Variants in KIAA1217 observed in about 807,000 individuals in gnomAD.
The protein encoded by KIAA1217 is sickle tail protein homolog.
In KIAA1217, 88 loss-of-function variants were observed where a neutral mutation model predicts 163.9. That is an observed-to-expected ratio of 0.54 (90% CI 0.45 to 0.64). KIAA1217 has a LOEUF of 0.64. Ranked by LOEUF, KIAA1217 falls within the 30% of genes least tolerant of loss-of-function variation. KIAA1217 has a pLI of 0.00. For synonymous variants in KIAA1217, 903 were observed against 923.1 expected, an observed-to-expected ratio of 0.98 and a Z score of 0.39; for missense variants, 2,372 against 2,475.0, an observed-to-expected ratio of 0.96 and a Z score of 0.88.
chr10:23,921,087 C>A (rs999319156), intron 1 of KIAA1217, among the ~76,000 whole-genome samples: 3 of 152,244 alleles, frequency 2.0e-5, no homozygotes, highest in East Asian at 3.9e-4. Context: ...TCAGGTGTTT[C>A]TTCATTGCAG....
At chr10:24,346,860 T>G (rs952052472) in intron 2 of KIAA1217, among the ~76,000 whole-genome samples, 1 of 152,158 alleles carries the variant, frequency 6.6e-6, no homozygotes, top group African/African-American at 2.4e-5. Context: ...CATGAGCCAC[T>G]GCAACCAGCC....
chr10:24,252,589 G>T (rs1283090376), intron 2 of KIAA1217, among the ~76,000 whole-genome samples: 1 of 151,916 alleles, frequency 6.6e-6, no homozygotes, highest in Admixed American at 6.6e-5. Context: ...AAAAAAGAAA[G>T]ATAATTTTGA....
At chr10:24,267,463 T>C (rs1429962205) in intron 2 of KIAA1217, among the ~76,000 whole-genome samples, 5 of 152,200 alleles carry the variant, frequency 3.3e-5, no homozygotes, top group Non-Finnish European at 7.3e-5. Flanking sequence ...TCTGTATCTA[T>C]AACTATATAT....
At chr10:24,143,691 T>C (rs1228265905) in intron 2 of KIAA1217, among the ~76,000 whole-genome samples, 1 of 152,040 alleles carries the variant, frequency 6.6e-6, no homozygotes, top group Non-Finnish European at 1.5e-5. Flanking sequence ...CCATATTCAG[T>C]CTCACGGAGA....
At chr10:23,824,656 A>ATATATATATATATAT (rs1564453885) in intron 1 of KIAA1217, among the ~76,000 whole-genome samples, 2 of 82,318 alleles carry the variant, frequency 2.4e-5, no homozygotes, top group African/African-American at 1.1e-4. Context: ...AAAAATAAAA[A>ATATATATATATATAT]AAATATATAT....
At chr10:24,458,223 C>T (rs1444252784) in intron 5 of KIAA1217, among the ~76,000 whole-genome samples, 1 of 152,226 alleles carries the variant, frequency 6.6e-6, no homozygotes, top group Non-Finnish European at 1.5e-5. Flanking sequence ...GTTTTGCTGA[C>T]CATCTCAGAT....
intron 1 of KIAA1217, among the ~76,000 whole-genome samples, chr10:23,936,998 T>C (rs1843558834): frequency 6.6e-6 from 1 of 152,088 alleles, no homozygotes; most frequent in Admixed American, 6.5e-5. Context: ...CCTTCCTCAG[T>C]CACATGAGTA....
chr10:23,744,950 T>C (rs762843663), intron 1 of KIAA1217, among the ~76,000 whole-genome samples: 2 of 152,194 alleles, frequency 1.3e-5, no homozygotes, highest in Admixed American at 6.5e-5. Flanking sequence ...AGCTCCATTA[T>C]GGAGAGCAAT....
At chr10:24,281,331 A>G (rs577944286) in intron 2 of KIAA1217, among the ~76,000 whole-genome samples, 99 of 152,330 alleles carry the variant, frequency 6.5e-4, no homozygotes, top group Admixed American at 1.8e-3. Context: ...CATGAATTAC[A>G]AGATCAGAAT....
intron 1 of KIAA1217, among the ~76,000 whole-genome samples, chr10:23,891,578 C>A (rs1322046698): frequency 1.3e-5 from 2 of 151,894 alleles, no homozygotes; most frequent in Admixed American, 6.6e-5. Flanking sequence ...GGAAATTGTC[C>A]CCAGGCAGAA....
chr10:23,878,119 G>A (rs1238210403), intron 1 of KIAA1217, among the ~76,000 whole-genome samples: 2 of 151,948 alleles, frequency 1.3e-5, no homozygotes, highest in South Asian at 4.1e-4. Context: ...CGACTTATGA[G>A]ACAGTTTGGC....
At chr10:24,266,330 C>T (rs1785584140) in intron 2 of KIAA1217, among the ~76,000 whole-genome samples, 1 of 152,166 alleles carries the variant, frequency 6.6e-6, no homozygotes, top group African/African-American at 2.4e-5. Context: ...CCGCCAGCCT[C>T]AGCCTCCCAA....
At chr10:24,140,022 C>A (rs11013916) in intron 2 of KIAA1217, among the ~76,000 whole-genome samples, 104 of 150,596 alleles carry the variant, frequency 6.9e-4, no homozygotes, top group African/African-American at 2.5e-3. Context: ...TTTTTTCCCC[C>A]TTATCAAATT....
chr10:23,710,829 G>A (rs757151619), intron 1 of KIAA1217, among the ~76,000 whole-genome samples: 1 of 152,098 alleles, frequency 6.6e-6, no homozygotes, highest in Non-Finnish European at 1.5e-5. Context: ...CTATGGAATG[G>A]GTACAATGAG....
chr10:23,859,132 G>A (rs143632009), intron 1 of KIAA1217, among the ~76,000 whole-genome samples: 264 of 152,296 alleles, frequency 1.7e-3, no homozygotes, highest in South Asian at 3.3e-3. Context: ...ATATGTCTTT[G>A]TATATGTGTG....
intron 1 of KIAA1217, among the ~76,000 whole-genome samples, chr10:24,003,570 T>C (rs182442059): frequency 2.0e-5 from 3 of 152,342 alleles, no homozygotes; most frequent in Admixed American, 1.3e-4. Flanking sequence ...TTTCTATCTA[T>C]TGTATGCAGC....
At chr10:23,956,123 T>A (rs1365190061) in intron 1 of KIAA1217, among the ~76,000 whole-genome samples, 1 of 152,192 alleles carries the variant, frequency 6.6e-6, no homozygotes, top group East Asian at 1.9e-4. Flanking sequence ...AGTTCTTTTT[T>A]TAGGTGAGTC....
At chr10:24,476,551 C>T (rs575924281) in intron 6 of KIAA1217, among the ~76,000 whole-genome samples, 2 of 152,064 alleles carry the variant, frequency 1.3e-5, no homozygotes, top group Admixed American at 6.6e-5. Flanking sequence ...GAAAAACTGA[C>T]AAAACAGATG....
intron 1 of KIAA1217, among the ~76,000 whole-genome samples, chr10:23,820,957 A>G (rs1361178640): frequency 6.6e-6 from 1 of 152,242 alleles, no homozygotes; most frequent in Non-Finnish European, 1.5e-5. Context: ...TTTAGGTTTC[A>G]TGCTTCATTG....
Sources: gnomAD v4.1 joint callset for allele counts (sites outside exome capture counted in the v4.1 genomes callset) on GRCh38, gnomAD v4.1.1 for gene constraint, MANE v1.5 for transcripts, NCBI Gene and HGNC (gene_info 2026-07-23, HGNC 2026-07-21) for gene names.